Variants in CAPN6 observed in about 807,000 individuals in gnomAD.
CAPN6 encodes calpain 6.
CAPN6 carries 16 observed loss-of-function variants against 46.0 expected under a neutral mutation model. That is an observed-to-expected ratio of 0.35 (90% CI 0.24 to 0.53). The LOEUF (loss-of-function observed/expected upper bound fraction) is 0.53. Ranked by LOEUF, CAPN6 falls within the 20% of genes least tolerant of loss-of-function variation. The pLI, the probability that CAPN6 is intolerant of heterozygous loss-of-function variation, is 0.94. For synonymous variants in CAPN6, 206 were observed against 172.8 expected (o/e 1.19, Z -1.51); for missense variants, 461 against 498.0 (o/e 0.93, Z 0.71).
intron 3 of CAPN6, 49 bp from the exon 4 acceptor site, chrX:111,253,265 C>G: frequency 6.0e-6 from 6 of 1,002,879 alleles, no homozygotes; most frequent in Non-Finnish European, 8.5e-6. Flanking sequence ...AGACCACATC[C>G]AGAAACTGAG....
At position 111,254,390 on chromosome X, in the gene CAPN6, T is replaced by G. The variant is rs1462649656; in HGVS notation, c.179A>C (p.Asp60Ala). Residue 60 changes from aspartate to alanine, a missense_variant, in exon 3 of 13, where the codon GAC becomes GCC. By Grantham distance (126) the Asp-to-Ala change is moderately radical. Coordinates refer to ENST00000324068, the MANE Select transcript of CAPN6 (RefSeq NM_014289.4). ...VWKRPQDICD[D>A]PHLIVGNISN... is the part of the protein sequence containing the mutation. Reference sequence around the variant, plus strand: ...AATGTTGCCCACAATCAGATGGGGGTCATCACAGATGTCCTATGAATACAA... The same window carrying G: ...AATGTTGCCCACAATCAGATGGGGGGCATCACAGATGTCCTATGAATACAA... 8.3e-7 allele frequency: 1 copy of G among 1,203,056 alleles called. No homozygotes were observed. The highest frequency in any genetic ancestry group is 2.2e-5 in the Admixed American group (1 of 45,849).
intron 3 of CAPN6, 91 bp from the exon 4 acceptor site, chrX:111,253,307 C>G: frequency 1.5e-6 from 1 of 686,607 alleles, no homozygotes; most frequent in East Asian, 3.2e-5. Context: ...ATCTACAGGG[C>G]AACAGGAAGC....
intron 1 of CAPN6, 126 bp from the exon 2 acceptor site, chrX:111,264,077 C>T (rs2094990047): frequency 2.4e-6 from 1 of 413,734 alleles, no homozygotes; most frequent in Admixed American, 4.4e-5. Context: ...TCTAGTTTGG[C>T]TTTAAAGGAA....
At chrX:111,253,884 C>G (rs989027796) in intron 3 of CAPN6, among the ~76,000 whole-genome samples, 2 of 111,750 alleles carry the variant, frequency 1.8e-5, no homozygotes, top group African/African-American at 6.5e-5. Flanking sequence ...TATTTCTCAC[C>G]TTTTTTGTTA....
chrX:111,263,847 T>C lies in CAPN6; in HGVS notation c.90A>G (p.Pro30=). 1 of 1,206,346 alleles carries C rather than the reference T, an allele frequency of 8.3e-7. No individual in the cohort carries two copies. Among genetic ancestry groups the C allele is most frequent in the Non-Finnish European group, 1.1e-6 (1 of 892,722 alleles). ...GAGAATCATTCTCAGGCAGAAATGT[T>C]GGATCACAGAAAAGTCTGCTGTCTT... ...CIKDSRLFCD[P]TFLPENDSLF... is the part of the protein sequence containing the mutation. Residue 30 remains proline, a synonymous_variant, in exon 2 of 13, where the codon CCA becomes CCG. Transcript: ENST00000324068.
chrX:111,246,821 G>A, intron 12 of CAPN6, 62 bp from the exon 13 acceptor site: 1 of 952,560 alleles, frequency 1.0e-6, no homozygotes, highest in Non-Finnish European at 1.5e-6. Context: ...CCTTTGCCCA[G>A]TGACATCCAG....
In CAPN6 at chrX:111,246,423, G is replaced by T; in HGVS notation, c.*154C>A. 2.0e-6 allele frequency: 1 copy of T among 490,069 alleles called. No individual in the cohort carries two copies. The highest frequency in any genetic ancestry group is 3.4e-6 in the Non-Finnish European group (1 of 292,493). The allele number at this position is 490,069 out of a possible 1,213,427, so 40.4% of individuals were successfully genotyped here. A position where few individuals can be genotyped will look rare whatever the true frequency, so the allele number is the denominator to read the frequency against. ...GTTATGTAGCTACAGATGCTACTTG[G>T]ATTGGGAGGTATGGGGAATTTATCA... On this transcript the variant is annotated 3_prime_UTR_variant, in exon 13 of 13. Coordinates refer to ENST00000324068, the MANE Select transcript of CAPN6 (RefSeq NM_014289.4).
Position 111,263,891 on chromosome X carries a change from G to C in CAPN6, c.46C>G (p.Leu16Val). ...CTGTCTTTGATGCATTCCTGCTTCA[G>C]TTCCTGGTATTTCTGGTTTTTGAAG... ...KLFKNQKYQE[L>V]KQECIKDSRL... is the part of the protein sequence containing the mutation. Residue 16 changes from leucine to valine, a missense_variant, in exon 2 of 13, where the codon CTG (leucine) becomes GTG (valine). Transcript: ENST00000324068. The C allele has an allele frequency of 1.7e-6, 2 of 1,207,128 alleles. No individual in the cohort carries two copies. Among genetic ancestry groups the C allele is most frequent in the Non-Finnish European group, 2.2e-6 (2 of 892,942 alleles).
chrX:111,251,548 C>T lies in CAPN6; in HGVS notation c.893+1G>A. 1 of 1,195,354 alleles carries T rather than the reference C, an allele frequency of 8.4e-7. No individual in the cohort carries two copies. ...AGCTGTGAAAGTGGAATGCAACTCACATTTCACTCCAGGGGCCACTCCATT... is the reference window on the plus strand; with the variant it reads ...AGCTGTGAAAGTGGAATGCAACTCATATTTCACTCCAGGGGCCACTCCATT... On this transcript the variant is annotated splice_donor_variant, in intron 6 of 12. Transcript: ENST00000324068. LOFTEE classifies it high-confidence loss of function.
intron 4 of CAPN6, 74 bp downstream of exon 4, chrX:111,252,934 T>C: frequency 1.1e-6 from 1 of 890,745 alleles, no homozygotes; most frequent in Non-Finnish European, 1.6e-6. Context: ...TGGGAGAGAA[T>C]GAGCTCCCAA....
intron 2 of CAPN6, among the ~76,000 whole-genome samples, chrX:111,256,805 T>C (rs770143255): frequency 7.8e-4 from 84 of 108,273 alleles, no homozygotes; most frequent in African/African-American, 2.9e-3. Flanking sequence ...ATATATATAT[T>C]AAAAGCTGTG....
chrX:111,252,542 C>T lies in CAPN6; in HGVS notation c.507-43G>A, dbSNP rs1461572624. 4 of 1,071,170 alleles carry T rather than the reference C, an allele frequency of 3.7e-6. No homozygotes were observed. The African/African-American group carries it at 5.5e-5, about 15-fold the overall frequency. 88.3% of individuals were successfully genotyped at this position (1,071,170 alleles called of 1,213,427 possible). On this transcript the variant is annotated intron_variant, in intron 4 of 12. Coordinates refer to ENST00000324068, the MANE Select transcript of CAPN6 (RefSeq NM_014289.4). ...AGGTTATCTTTGTAAAATTGTTTTT[C>T]CAGGTCAAGAACATCATAATCTAAA...
chrX:111,247,233 G>A, intron 12 of CAPN6, 135 bp downstream of exon 12: 1 of 516,510 alleles, frequency 1.9e-6, no homozygotes, highest in Middle Eastern at 5.8e-4. Flanking sequence ...GATGAGAAGA[G>A]TTTTTGAGTA....
At chrX:111,250,063 G>T (rs1158562263) in intron 8 of CAPN6, among the ~76,000 whole-genome samples, 2 of 110,921 alleles carry the variant, frequency 1.8e-5, no homozygotes, top group Non-Finnish European at 3.8e-5. Flanking sequence ...GGTGTGTGTG[G>T]GGGGAGATAG....
In CAPN6 at chrX:111,249,349, G is replaced by GTAT. The variant is rs975444458; in HGVS notation, c.1159-295_1159-293dup. ...TCTAATAAGTTCTTGGTAAATTATT[G>GTAT]TATTATTATTATTATTATTGTTATT... On this transcript the variant is annotated intron_variant, in intron 8 of 12. Coordinates refer to ENST00000324068, the MANE Select transcript of CAPN6 (RefSeq NM_014289.4). Among the ~76,000 whole-genome samples, 242 of 110,677 alleles carry GTAT rather than the reference G, an allele frequency of 2.2e-3. 2 individuals are homozygous for GTAT. The highest frequency in any genetic ancestry group is 7.3e-3 in the African/African-American group (223 of 30,447).
At chrX:111,247,331 T>A (rs2094975315) in intron 12 of CAPN6, 37 bp downstream of exon 12, 3 of 1,133,582 alleles carry the variant, frequency 2.6e-6, no homozygotes, top group Non-Finnish European at 3.6e-6. Flanking sequence ...TGGTACAAAG[T>A]ATGAGCCTTT....
At chrX:111,249,139 G>C in intron 8 of CAPN6, 82 bp from the exon 9 acceptor site, 1 of 1,048,849 alleles carries the variant, frequency 9.5e-7, no homozygotes, top group Non-Finnish European at 1.3e-6. Flanking sequence ...AATAAAGCTT[G>C]TCATTGGGAA....
rs367786168 is a variant in CAPN6, at chrX:111,247,346, C to T, written c.1743+22G>A. 3.8e-5 allele frequency: 44 copies of T among 1,162,425 alleles called. No homozygotes were observed. In the African/African-American group the frequency reaches 4.7e-4, roughly 13 times the overall value. On this transcript the variant is annotated intron_variant, in intron 12 of 12. Transcript: ENST00000324068. ...TGGTACAAAGTATGAGCCTTTCTGG[C>T]GACCCCTGTACACACTCTTACCTGT...
chrX:111,264,998 A>C (rs2094990725), intron 1 of CAPN6, among the ~76,000 whole-genome samples: 2 of 112,217 alleles, frequency 1.8e-5, no homozygotes, highest in Admixed American at 1.9e-4. Flanking sequence ...GGTGTCAACT[A>C]TTTCAAAATG....
Sources: allele counts gnomAD v4.1 joint callset (sites outside exome capture counted in the v4.1 genomes callset), GRCh38; gene constraint gnomAD v4.1.1; transcripts MANE v1.5; gene names NCBI Gene and HGNC (gene_info 2026-07-23, HGNC 2026-07-21).